The following CERS6 variants were observed in gnomAD, a reference collection of about 807,000 sequenced individuals.
CERS6 encodes ceramide synthase 6.
In CERS6, 26 loss-of-function variants were observed where a neutral mutation model predicts 56.8. The ratio of observed to expected loss-of-function variants is 0.46; its 90% confidence interval spans 0.34 to 0.63. CERS6 has a LOEUF of 0.63. CERS6 is among the 30% of genes least tolerant of loss of function. CERS6 has a pLI of 0.01. For missense variants in CERS6, 415 were observed against 467.5 expected (o/e 0.89, Z 1.04); for synonymous variants, 164 against 173.3 (o/e 0.95, Z 0.42).
intron 3 of CERS6, among the ~76,000 whole-genome samples, chr2:168,617,844 AAGGT>A (rs1256035163): frequency 3.3e-5 from 5 of 152,310 alleles, no homozygotes; most frequent in African/African-American, 9.6e-5. Flanking sequence ...TCTATTCCAC[AAGGT>A]AGAGAAAGAA....
intron 8 of CERS6, among the ~76,000 whole-genome samples, chr2:168,720,059 C>T (rs1198591572): frequency 1.6e-5 from 2 of 126,992 alleles, no homozygotes; most frequent in Non-Finnish European, 3.9e-5. Context: ...CCTCAAGTAG[C>T]TGAGACTACA....
chr2:168,643,238 G>A lies in CERS6; in HGVS notation c.465+12196G>A, dbSNP rs114342385. Among the ~76,000 whole-genome samples, 495 of 152,136 alleles carry A rather than the reference G, an allele frequency of 3.3e-3. 1 individual carries two copies. Among genetic ancestry groups the A allele is most frequent in the African/African-American group, 0.011 (474 of 41,486 alleles). On this transcript the variant is annotated intron_variant, in intron 4 of 9. Coordinates refer to ENST00000305747, the MANE Select transcript of CERS6 (RefSeq NM_203463.3). ...AAAGAAATTGATAAAGTGATACTTC[G>A]CTAATTAGTTTGATTTCTTGTGAAT...
intron 4 of CERS6, among the ~76,000 whole-genome samples, chr2:168,652,094 A>G (rs1311723106): frequency 6.6e-6 from 1 of 152,094 alleles, no homozygotes; most frequent in Non-Finnish European, 1.5e-5. Context: ...GACTTAAAAA[A>G]AAAAAAGCTT....
At chr2:168,563,069 T>C (rs993533191) in intron 3 of CERS6, among the ~76,000 whole-genome samples, 2 of 152,186 alleles carry the variant, frequency 1.3e-5, no homozygotes, top group African/African-American at 4.8e-5. Context: ...CTACTCCAGT[T>C]TCTCTCAAAT....
rs1467715618 is a variant in CERS6, at chr2:168,774,286, C to T, written c.*4624C>T. 6.6e-6 allele frequency: 1 copy of T among 152,236 alleles called. No individual in the cohort carries two copies. The highest frequency in any genetic ancestry group is 1.9e-4 in the East Asian group (1 of 5,192). The allele number at this position is 152,236 out of a possible 1,614,324, so 9.4% of individuals were successfully genotyped here. A position where few individuals can be genotyped will look rare whatever the true frequency, so the allele number is the denominator to read the frequency against. ...CTTATCTCATGCACTCACATTCCTTCAGCCTCCTGGAGTTCCTGATAAAAG... is the reference window on the plus strand; with the variant it reads ...CTTATCTCATGCACTCACATTCCTTTAGCCTCCTGGAGTTCCTGATAAAAG... On this transcript the variant is annotated 3_prime_UTR_variant, in exon 10 of 10. Coordinates refer to ENST00000305747, the MANE Select transcript of CERS6 (RefSeq NM_203463.3).
intron 3 of CERS6, among the ~76,000 whole-genome samples, chr2:168,600,549 A>G (rs1008464645): frequency 2.6e-5 from 4 of 152,118 alleles, no homozygotes; most frequent in African/African-American, 9.7e-5. Flanking sequence ...GAAAATCTAT[A>G]TCCTTGCCCC....
At chr2:168,731,973 T>C (rs966911682) in intron 8 of CERS6, among the ~76,000 whole-genome samples, 1 of 152,186 alleles carries the variant, frequency 6.6e-6, no homozygotes, top group African/African-American at 2.4e-5. Flanking sequence ...TCTTATACAT[T>C]AAGTCTACAA....
chr2:168,627,166 C>T (rs903351194), intron 3 of CERS6, among the ~76,000 whole-genome samples: 4 of 152,016 alleles, frequency 2.6e-5, no homozygotes, highest in Non-Finnish European at 4.4e-5. Context: ...TTCCTTTCCT[C>T]GTTTTCATTA....
At chr2:168,616,761 G>A (rs13404526) in intron 3 of CERS6, among the ~76,000 whole-genome samples, 3 of 151,944 alleles carry the variant, frequency 2.0e-5, no homozygotes, top group Non-Finnish European at 4.4e-5. Flanking sequence ...CCTAAGAAAC[G>A]AGATAGATGG....
At chr2:168,678,263 T>C (rs1031350680) in intron 4 of CERS6, among the ~76,000 whole-genome samples, 10 of 152,194 alleles carry the variant, frequency 6.6e-5, no homozygotes, top group African/African-American at 2.4e-4. Flanking sequence ...CTCAAAAATC[T>C]GCAGATGGCC....
chr2:168,707,781 T>C (rs1686995452), intron 6 of CERS6, among the ~76,000 whole-genome samples: 1 of 152,138 alleles, frequency 6.6e-6, no homozygotes, highest in African/African-American at 2.4e-5. Flanking sequence ...CCAAATATAC[T>C]TTTATTATTT....
intron 8 of CERS6, among the ~76,000 whole-genome samples, chr2:168,751,823 C>A (rs148362873): frequency 9.8e-5 from 15 of 152,340 alleles, no homozygotes; most frequent in African/African-American, 3.4e-4. Context: ...TTAACTACTG[C>A]CTTGCAGGTA....
chr2:168,636,359 G>C (rs1684860404), intron 4 of CERS6, among the ~76,000 whole-genome samples: 1 of 152,102 alleles, frequency 6.6e-6, no homozygotes, highest in South Asian at 2.1e-4. Context: ...CTTTTTATTA[G>C]TAAATTTACC....
chr2:168,554,421 A>G (rs927982118), intron 2 of CERS6, among the ~76,000 whole-genome samples: 2 of 152,194 alleles, frequency 1.3e-5, no homozygotes, highest in African/African-American at 4.8e-5. Context: ...ATTAGTCAAA[A>G]TGGGATTATT....
intron 3 of CERS6, among the ~76,000 whole-genome samples, chr2:168,583,518 A>G (rs548537608): frequency 3.3e-5 from 5 of 152,178 alleles, no homozygotes; most frequent in Non-Finnish European, 7.3e-5. Context: ...TTGCAGTTTA[A>G]CCACATGCTA....
chr2:168,629,729 G>C (rs1009909468), intron 3 of CERS6, among the ~76,000 whole-genome samples: 2 of 152,118 alleles, frequency 1.3e-5, no homozygotes, highest in Non-Finnish European at 2.9e-5. Context: ...TCTAGAATTT[G>C]TACAACAAAC....
At chr2:168,727,150 A>G (rs1378903137) in intron 8 of CERS6, among the ~76,000 whole-genome samples, 1 of 152,154 alleles carries the variant, frequency 6.6e-6, no homozygotes, top group Non-Finnish European at 1.5e-5. Flanking sequence ...TACTGTTCAG[A>G]CAGAAGCATC....
At chr2:168,513,580 A>G (rs748330753) in intron 1 of CERS6, among the ~76,000 whole-genome samples, 5 of 152,190 alleles carry the variant, frequency 3.3e-5, no homozygotes, top group Non-Finnish European at 2.9e-5. Context: ...GGAAGACCAC[A>G]GAGGTGACAT....
intron 1 of CERS6, among the ~76,000 whole-genome samples, chr2:168,457,541 CT>C (rs888259545): frequency 4.6e-5 from 7 of 151,492 alleles, no homozygotes; most frequent in Non-Finnish European, 1.0e-4. Context: ...CAGCAGCACA[CT>C]TTTTTTTTCG....
Sources: gnomAD v4.1 joint callset for allele counts (sites outside exome capture counted in the v4.1 genomes callset) on GRCh38, gnomAD v4.1.1 for gene constraint, MANE v1.5 for transcripts, NCBI Gene and HGNC (gene_info 2026-07-23, HGNC 2026-07-21) for gene names.